ARFGEF3: variants seen among roughly 807,000 people sequenced by gnomAD.
The protein encoded by ARFGEF3 is brefeldin A-inhibited guanine nucleotide-exchange protein 3.
A neutral mutation model predicts 221.7 loss-of-function variants in ARFGEF3; 96 were observed. The observed-to-expected ratio is 0.43, with a 90% CI of 0.37 to 0.51. The LOEUF is 0.51. Ranked by LOEUF, ARFGEF3 falls within the 20% of genes least tolerant of loss-of-function variation. ARFGEF3 has a pLI of 0.00. For missense variants in ARFGEF3, 2,410 were observed against 2,789.9 expected (o/e 0.86, Z 3.07); for synonymous variants, 1,145 against 1,126.8 (o/e 1.02, Z -0.32).
intron 5 of ARFGEF3, 145 bp from the exon 6 acceptor site, chr6:138,238,364 A>C (rs1778333243): frequency 1.6e-6 from 1 of 638,064 alleles, no homozygotes; most frequent in African/African-American, 1.9e-5. Context: ...AAATATATTT[A>C]GTTATATTTA....
At chr6:138,248,377 C>A (rs575934336) in intron 8 of ARFGEF3, among the ~76,000 whole-genome samples, 2 of 152,236 alleles carry the variant, frequency 1.3e-5, no homozygotes, top group South Asian at 4.1e-4. Flanking sequence ...GGTGCTTCTC[C>A]CTTACCCCTG....
At chr6:138,200,036 T>G (rs1777503924) in intron 2 of ARFGEF3, among the ~76,000 whole-genome samples, 2 of 152,202 alleles carry the variant, frequency 1.3e-5, no homozygotes, top group Admixed American at 6.5e-5. Context: ...TTTTATTACA[T>G]TAAGGTATGT....
Position 138,263,287 on chromosome 6 carries a change from G to T in ARFGEF3, c.1804G>T (p.Asp602Tyr). ...GAGCAATTTTAGCGTTGATGACCAA[G>T]ACCTTTCTAGGACAGAGTTTGATTC... ...SESNFSVDDQ[D>Y]LSRTEFDSCD... Residue 602 changes from aspartate to tyrosine, a missense_variant, in exon 12 of 34, where the codon GAC becomes TAC. Around this residue, in one of 5 missense-constraint regions of ARFGEF3, gnomAD observed 594 missense variants for 734.3 expected, o/e 0.81. Coordinates refer to ENST00000251691, the MANE Select transcript of ARFGEF3 (RefSeq NM_020340.5). The T allele has an allele frequency of 6.2e-7, 1 of 1,613,990 alleles. No individual in the cohort carries two copies.
intron 4 of ARFGEF3, among the ~76,000 whole-genome samples, chr6:138,219,395 TA>T (rs1777936784): frequency 6.6e-6 from 1 of 152,128 alleles, no homozygotes; most frequent in Non-Finnish European, 1.5e-5. Context: ...AGCTGGGTGT[TA>T]AACATGGAAG....
At chr6:138,272,799 C>T (rs554543285) in intron 12 of ARFGEF3, among the ~76,000 whole-genome samples, 1 of 152,348 alleles carries the variant, frequency 6.6e-6, no homozygotes, top group African/African-American at 2.4e-5. Context: ...TGCTCTTGTG[C>T]ACAGTTGGTA....
At chr6:138,298,897 TG>T (rs1562384321) in intron 22 of ARFGEF3, 112 bp downstream of exon 22, 1 of 852,522 alleles carries the variant, frequency 1.2e-6, no homozygotes, top group Non-Finnish European at 1.8e-6. Flanking sequence ...ATGTGGAATC[TG>T]TAACGGAGAA....
At chr6:138,278,377 C>A in intron 12 of ARFGEF3, 74 bp from the exon 13 acceptor site, 1 of 1,378,206 alleles carries the variant, frequency 7.3e-7, no homozygotes, top group Non-Finnish European at 1.0e-6. Flanking sequence ...ACGATGGGTT[C>A]GCAGCTCTCT....
In ARFGEF3 at chr6:138,338,188, C is replaced by A. The variant is rs537886119; in HGVS notation, c.*1702C>A. 6.6e-6 allele frequency: 1 copy of A among 152,200 alleles called. No individual in the cohort carries two copies. The highest frequency in any genetic ancestry group is 2.4e-5 in the African/African-American group (1 of 41,446). 9.4% of individuals were successfully genotyped at this position (152,200 alleles called of 1,614,324 possible). On this transcript the variant is annotated 3_prime_UTR_variant, in exon 34 of 34. Transcript: ENST00000251691. Reference sequence around the variant, plus strand: ...TAATTCAAGTTTAGAAACAGGTAATCAGCTATTTGATCTTAAAAGGCAATG... The same window carrying A: ...TAATTCAAGTTTAGAAACAGGTAATAAGCTATTTGATCTTAAAAGGCAATG...
intron 2 of ARFGEF3, among the ~76,000 whole-genome samples, chr6:138,184,449 G>A (rs1777142780): frequency 6.6e-6 from 1 of 152,180 alleles, no homozygotes; most frequent in Non-Finnish European, 1.5e-5. Flanking sequence ...AGTTTGCAGT[G>A]TGATTAAGGT....
intron 11 of ARFGEF3, among the ~76,000 whole-genome samples, chr6:138,262,134 T>G: frequency 6.6e-6 from 1 of 152,018 alleles, no homozygotes; most frequent in Non-Finnish European, 1.5e-5. Flanking sequence ...GGAGCTTCTA[T>G]TTGTACCCAA....
chr6:138,295,922 G>C (rs1306959060), intron 20 of ARFGEF3, among the ~76,000 whole-genome samples: 1 of 152,198 alleles, frequency 6.6e-6, no homozygotes, highest in African/African-American at 2.4e-5. Context: ...TGTGTGTAAA[G>C]GTATATATGA....
Position 138,334,790 on chromosome 6 carries a change from G to A in ARFGEF3, c.5944G>A (p.Gly1982Ser), listed in dbSNP as rs1395905825. ...GGGCGAGTCCCTGAGCCTGAAGGCC[G>A]GTGGTGGGGACCTGCTGCTGCCCCC... Reference protein sequence around the residue: ...HMGESLSLKAGGGDLLLPPSP... With the variant: ...HMGESLSLKASGGDLLLPPSP... The change falls in exon 33 of 34, where the codon GGT (glycine) becomes AGT (serine). Residue 1982 changes from glycine (G) to serine (S), a missense_variant. Gly to Ser is a moderately conservative substitution (Grantham distance 56). Transcript: ENST00000251691. The surrounding 1 kb of genome is among the most constrained non-coding windows in gnomAD (Gnocchi z 5.1). 9.3e-6 allele frequency: 15 copies of A among 1,606,336 alleles called. No homozygotes were observed. Among genetic ancestry groups the A allele is most frequent in the East Asian group, 6.7e-5 (3 of 44,466 alleles).
rs1436492770 is a variant in ARFGEF3, at chr6:138,317,264, C to T, written c.4359C>T (p.Val1453=). The change falls in exon 27 of 34, where the codon GTC becomes GTT. Residue 1453 remains valine, a synonymous_variant. Transcript: ENST00000251691. The part of the protein sequence containing the change: ...DFDDDTGLIE[V]WIILLEQLTA... ...TTTGGTTTCCAGGTCTGATAGAAGT[C>T]TGGATAATCCTGCTGGAGCAGCTGA... 2 of 1,613,684 alleles carry T rather than the reference C, an allele frequency of 1.2e-6. No homozygotes were observed. Among genetic ancestry groups the T allele is most frequent in the Non-Finnish European group, 8.5e-7 (1 of 1,179,800 alleles).
At chr6:138,202,028 G>T (rs1777546172) in intron 2 of ARFGEF3, among the ~76,000 whole-genome samples, 1 of 152,204 alleles carries the variant, frequency 6.6e-6, no homozygotes, top group Admixed American at 6.5e-5. Context: ...TCACAGTGCG[G>T]ATGATGCCTT....
Position 138,317,370 on chromosome 6 carries a change from A to AAAAC in ARFGEF3, c.4467_4470dup (p.Pro1491AsnfsTer28). The AAAAC allele has an allele frequency of 6.2e-7, 1 of 1,613,976 alleles. No homozygotes were observed. The highest frequency in any genetic ancestry group is 1.6e-4 in the Middle Eastern group (1 of 6,062). ...CTTTGAGCTGTTGAGAGATGTGACG[A>AAAAC]AAACACCAGGTAAATATTTCTGTGT... On this transcript the variant is annotated frameshift_variant, in exon 27 of 34. Transcript: ENST00000251691. LOFTEE classifies it high-confidence loss of function.
intron 22 of ARFGEF3, among the ~76,000 whole-genome samples, chr6:138,302,079 G>A (rs1323248685): frequency 1.3e-5 from 2 of 152,092 alleles, no homozygotes; most frequent in Admixed American, 1.3e-4. Context: ...TATGAGTGAT[G>A]CAAAGAAACA....
At position 138,245,544 on chromosome 6, in the gene ARFGEF3, T is replaced by C. The variant is rs370255413; in HGVS notation, c.618T>C (p.Val206=). The C allele has an allele frequency of 1.2e-6, 2 of 1,611,440 alleles. No individual in the cohort carries two copies. Among genetic ancestry groups the C allele is most frequent in the African/African-American group, 2.7e-5 (2 of 74,886 alleles). Residue 206 remains valine, a synonymous_variant, in exon 8 of 34, where the codon GTT becomes GTC. Coordinates refer to ENST00000251691, the MANE Select transcript of ARFGEF3 (RefSeq NM_020340.5). ...GSTVESLCDD[V]VSVLTVLCEK... ...CAGTAGAGTCCCTCTGTGATGATGT[T>C]GTCTCTGTACTCACCGTCCTGTGTG...
At position 138,161,995 on chromosome 6, in the gene ARFGEF3, G is replaced by A. The variant is rs1396651793; in HGVS notation, c.-92G>A. ...TGGGGGCGCGCGCGGCGGCCGCCTA[G>A]GCGCCCAGGGCCAGGCAGCGGCGGC... On this transcript the variant is annotated 5_prime_UTR_variant, in exon 1 of 34. An upstream open reading frame in the 5' UTR loses its in-frame stop. Coordinates refer to ENST00000251691, the MANE Select transcript of ARFGEF3 (RefSeq NM_020340.5). 5 of 712,172 alleles carry A rather than the reference G, an allele frequency of 7.0e-6. No homozygotes were observed. In the African/African-American group the frequency reaches 9.7e-5, roughly 14 times the overall value. 44.1% of individuals were successfully genotyped at this position (712,172 alleles called of 1,614,324 possible). A position where few individuals can be genotyped will look rare whatever the true frequency, so the allele number is the denominator to read the frequency against.
Position 138,287,164 on chromosome 6 carries a change from C to A in ARFGEF3, c.2876C>A (p.Pro959His). The A allele has an allele frequency of 6.4e-7, 1 of 1,564,012 alleles. No homozygotes were observed. Among genetic ancestry groups the A allele is most frequent in the Non-Finnish European group, 8.7e-7 (1 of 1,153,950 alleles). ...AAAGAAGAGAGGGAGGCCCAAGAAC[C>A]CAGTGATGCCATCACACAAGGTAAC... ...EEKEEREAQEPSDAITQVKLK... is the reference protein window; with the variant it reads ...EEKEEREAQEHSDAITQVKLK... Residue 959 changes from proline to histidine, a missense_variant, in exon 17 of 34, where the codon CCC (proline) becomes CAC (histidine). Pro to His is a moderately conservative substitution (Grantham distance 77). This residue lies in a region of ARFGEF3 where 594 missense variants were observed against 734.3 expected (regional missense o/e 0.81). Coordinates refer to ENST00000251691, the MANE Select transcript of ARFGEF3 (RefSeq NM_020340.5).
Sources: allele counts gnomAD v4.1 joint callset (sites outside exome capture counted in the v4.1 genomes callset), GRCh38; gene constraint gnomAD v4.1.1; regional missense constraint gnomAD v4.1.1; non-coding constraint Gnocchi (gnomAD v3.1); transcripts MANE v1.5; gene names NCBI Gene and HGNC (gene_info 2026-07-23, HGNC 2026-07-21).